Variants in SUPT3H observed in about 807,000 individuals in gnomAD.
SUPT3H encodes SPT3 homolog, SAGA and STAGA complex component.
Under a neutral mutation model 44.3 loss-of-function variants are expected in SUPT3H, and 44 were observed. The observed-to-expected ratio is 0.99, with a 90% CI of 0.78 to 1.28. The LOEUF is 1.28. SUPT3H is among the 50% of genes most tolerant of loss of function. The probability of loss-of-function intolerance (pLI) is 0.00; values close to 1 mark genes in which losing one functional copy is unlikely to be tolerated. For synonymous variants in SUPT3H, 124 were observed against 125.6 expected (o/e 0.99, Z 0.09); for missense variants, 380 against 387.1 (o/e 0.98, Z 0.15).
chr6:44,945,139 T>G (rs1055258549), intron 9 of SUPT3H, among the ~76,000 whole-genome samples: 2 of 152,158 alleles, frequency 1.3e-5, no homozygotes, highest in African/African-American at 4.8e-5. Context: ...GTGTTACTAT[T>G]GTAATTGTCT....
intron 2 of SUPT3H, among the ~76,000 whole-genome samples, chr6:45,311,926 A>G (rs1246137040): frequency 6.6e-6 from 1 of 152,190 alleles, no homozygotes; most frequent in East Asian, 1.9e-4. Flanking sequence ...CAAAAAAAAC[A>G]AAGTATAAAG....
intron 6 of SUPT3H, among the ~76,000 whole-genome samples, chr6:44,967,335 A>G (rs892450943): frequency 6.6e-6 from 1 of 152,216 alleles, no homozygotes; most frequent in African/African-American, 2.4e-5. Flanking sequence ...TTTATGCTAG[A>G]TGAACTCACT....
chr6:45,312,384 G>A (rs964988875), intron 2 of SUPT3H, among the ~76,000 whole-genome samples: 4 of 151,762 alleles, frequency 2.6e-5, no homozygotes, highest in Admixed American at 6.6e-5. Flanking sequence ...GCATGGTGGC[G>A]GGTGCCTGTA....
chr6:44,955,465 T>A (rs1774970457), intron 7 of SUPT3H: 1 of 152,262 alleles, frequency 6.6e-6, no homozygotes, highest in African/African-American at 2.4e-5. Context: ...TTTCCCCCAC[T>A]TCCCTGGCGA....
intron 2 of SUPT3H, among the ~76,000 whole-genome samples, chr6:45,160,588 G>A (rs958275134): frequency 6.6e-6 from 1 of 151,380 alleles, no homozygotes; most frequent in Non-Finnish European, 1.5e-5. Context: ...GTTTCCAAAA[G>A]GCCTGAAATG....
intron 4 of SUPT3H, among the ~76,000 whole-genome samples, chr6:45,015,792 C>T (rs983738821): frequency 8.1e-5 from 10 of 123,194 alleles, no homozygotes; most frequent in African/African-American, 1.6e-4. Flanking sequence ...TGCACACACG[C>T]GCGCGCACAC....
intron 2 of SUPT3H, among the ~76,000 whole-genome samples, chr6:45,227,003 T>C (rs2153638096): frequency 6.7e-6 from 1 of 149,434 alleles, no homozygotes; most frequent in African/African-American, 2.4e-5. Context: ...TAGAAAAATA[T>C]ATATATATTT....
chr6:45,002,007 A>G (rs1782070751), intron 6 of SUPT3H, among the ~76,000 whole-genome samples: 1 of 152,014 alleles, frequency 6.6e-6, no homozygotes, highest in African/African-American at 2.4e-5. Flanking sequence ...TATAAAAGCT[A>G]CTCTGTTATG....
chr6:44,824,805 A>T (rs1273638203), downstream of SUPT3H, among the ~76,000 whole-genome samples: 1 of 152,208 alleles, frequency 6.6e-6, no homozygotes, highest in Non-Finnish European at 1.5e-5. Flanking sequence ...TTGTAATTCA[A>T]ATTGTGCATG....
intron 2 of SUPT3H, chr6:45,197,636 G>GA: frequency 8.6e-6 from 3 of 350,770 alleles, no homozygotes; most frequent in South Asian, 4.5e-5. Context: ...GGTATTTGCA[G>GA]AAAAAAATTG....
chr6:45,077,142 C>T (rs1252931762), intron 3 of SUPT3H, among the ~76,000 whole-genome samples: 3 of 152,170 alleles, frequency 2.0e-5, no homozygotes, highest in African/African-American at 7.2e-5. Context: ...AGCTTTCCCT[C>T]ATTCTTTTAA....
intron 1 of SUPT3H, 39 bp from the exon 2 acceptor site, chr6:45,365,340 T>C (rs1432485056): frequency 1.5e-6 from 2 of 1,330,614 alleles, no homozygotes; most frequent in African/African-American, 1.5e-5. Flanking sequence ...AAAATGTACC[T>C]AGCTATAAGT....
intron 9 of SUPT3H, among the ~76,000 whole-genome samples, chr6:44,943,035 A>G (rs1490398026): frequency 6.6e-6 from 1 of 152,214 alleles, no homozygotes; most frequent in Non-Finnish European, 1.5e-5. Flanking sequence ...AGAAAGCATG[A>G]CTTATATTCA....
At chr6:45,028,216 C>A (rs1264100749) in intron 3 of SUPT3H, among the ~76,000 whole-genome samples, 1 of 152,166 alleles carries the variant, frequency 6.6e-6, no homozygotes, top group Non-Finnish European at 1.5e-5. Flanking sequence ...TTTTATTTCA[C>A]CTTTCCACAA....
intron 2 of SUPT3H, among the ~76,000 whole-genome samples, chr6:45,289,925 T>C (rs4446571): frequency 0.4 from 61,103 of 152,048 alleles, 12,706 homozygotes; most frequent in East Asian, 0.71. Flanking sequence ...TTCACACCTA[T>C]AGTCACCTAG....
chr6:45,296,090 C>T (rs1043978538), intron 2 of SUPT3H, among the ~76,000 whole-genome samples: 12 of 151,390 alleles, frequency 7.9e-5, no homozygotes, highest in Non-Finnish European at 1.2e-4. Context: ...CATCAATCAA[C>T]GAATGGATAA....
intron 2 of SUPT3H, among the ~76,000 whole-genome samples, chr6:45,124,720 AAAT>A (rs1404311062): frequency 5.3e-5 from 8 of 152,052 alleles, no homozygotes; most frequent in African/African-American, 1.9e-4. Context: ...TTCATGTTTA[AAAT>A]AATAATAAAA....
At chr6:44,860,240 T>C (rs1258171983) in intron 10 of SUPT3H, among the ~76,000 whole-genome samples, 1 of 152,216 alleles carries the variant, frequency 6.6e-6, no homozygotes, top group Non-Finnish European at 1.5e-5. Flanking sequence ...TTAATACATA[T>C]CCTCTGCCCT....
intron 2 of SUPT3H, among the ~76,000 whole-genome samples, chr6:45,348,459 G>A (rs1791345373): frequency 7.1e-6 from 1 of 140,390 alleles, no homozygotes; most frequent in South Asian, 2.2e-4. Flanking sequence ...TTGAGGTCTA[G>A]AGTTCCAGAC....
Sources: gnomAD v4.1 joint callset for allele counts (sites outside exome capture counted in the v4.1 genomes callset) on GRCh38, gnomAD v4.1.1 for gene constraint, MANE v1.5 for transcripts, NCBI Gene and HGNC (gene_info 2026-07-23, HGNC 2026-07-21) for gene names.